Variants in KCNH5 observed in about 807,000 individuals in gnomAD.
The protein encoded by KCNH5 is voltage-gated delayed rectifier potassium channel KCNH5.
In KCNH5, 46 loss-of-function variants were observed where a neutral mutation model predicts 96.1. The ratio of observed to expected loss-of-function variants is 0.48; its 90% CI spans 0.38 to 0.61. KCNH5 has a LOEUF of 0.61. KCNH5 is among the 20% of genes least tolerant of loss of function. The probability of loss-of-function intolerance (pLI) is 0.00; values close to 1 mark genes in which losing one functional copy is unlikely to be tolerated. For synonymous variants in KCNH5, 439 were observed against 449.8 expected, an observed-to-expected ratio of 0.98 and a Z score of 0.30; for missense variants, 907 against 1,225.8, an observed-to-expected ratio of 0.74 and a Z score of 3.88.
chr14:62,810,552 A>G (rs957429122), intron 8 of KCNH5, among the ~76,000 whole-genome samples: 19 of 152,116 alleles, frequency 1.2e-4, no homozygotes, highest in Admixed American at 6.6e-5. Flanking sequence ...AATAGCTTGC[A>G]GTAAAGAAAC....
At chr14:62,784,160 A>G (rs1181057704) in intron 9 of KCNH5, among the ~76,000 whole-genome samples, 1 of 152,184 alleles carries the variant, frequency 6.6e-6, no homozygotes, top group Non-Finnish European at 1.5e-5. Flanking sequence ...GAGCAAAGTC[A>G]CGTCTTACAC....
chr14:62,970,523 A>AG (rs1421053964), intron 6 of KCNH5, among the ~76,000 whole-genome samples: 1 of 152,218 alleles, frequency 6.6e-6, no homozygotes. Context: ...AACCAGACAA[A>AG]GACATTACAA....
chr14:62,983,236 T>G (rs1259756493), intron 5 of KCNH5, among the ~76,000 whole-genome samples: 1 of 152,050 alleles, frequency 6.6e-6, no homozygotes, highest in East Asian at 1.9e-4. Context: ...TAGCCGGGCT[T>G]GTTGGCACGT....
intron 8 of KCNH5, among the ~76,000 whole-genome samples, chr14:62,848,197 G>T (rs1200021509): frequency 6.6e-6 from 1 of 152,160 alleles, no homozygotes. Flanking sequence ...CGAGGCCGGT[G>T]GTTGCCTCTT....
intron 6 of KCNH5, among the ~76,000 whole-genome samples, chr14:62,963,665 C>T (rs1305950224): frequency 2.0e-5 from 3 of 152,122 alleles, no homozygotes; most frequent in Admixed American, 2.0e-4. Context: ...TAATGCCCAT[C>T]CACATTGGGG....
intron 10 of KCNH5, among the ~76,000 whole-genome samples, chr14:62,741,884 A>C (rs562323311): frequency 6.6e-6 from 1 of 152,284 alleles, no homozygotes; most frequent in East Asian, 1.9e-4. Context: ...AAAATTGCCC[A>C]TGAGTTTTCT....
intron 8 of KCNH5, among the ~76,000 whole-genome samples, chr14:62,818,120 T>TG (rs1887037369): frequency 5.5e-5 from 3 of 54,852 alleles, no homozygotes; most frequent in African/African-American, 1.4e-4. Context: ...GGGGGGGGGG[T>TG]GGAAGAAATG....
intron 9 of KCNH5, among the ~76,000 whole-genome samples, chr14:62,797,504 T>C (rs1384160962): frequency 2.0e-5 from 3 of 152,112 alleles, no homozygotes; most frequent in African/African-American, 7.2e-5. Context: ...GAAAAACCCT[T>C]TTAAGGATTT....
intron 7 of KCNH5, among the ~76,000 whole-genome samples, chr14:62,860,345 T>A (rs569878447): frequency 3.3e-5 from 5 of 152,358 alleles, no homozygotes; most frequent in African/African-American, 1.2e-4. Flanking sequence ...AGTCACTAAG[T>A]AAATTCATTT....
rs532037598 is a variant in KCNH5, at chr14:62,814,640, G to T, written c.1570-12059C>A. ...TCTACTAAAAATACAAAAATTAGCC[G>T]GGTGTGGTGGCAGGCACCTGTAGTC... is the stretch of plus-strand genomic sequence containing the variant. On this transcript the variant is annotated intron_variant, in intron 8 of 10. Coordinates refer to ENST00000322893, the MANE Select transcript of KCNH5 (RefSeq NM_139318.5). Among the ~76,000 whole-genome samples, 8 of 151,644 alleles carry T rather than the reference G, an allele frequency of 5.3e-5. No homozygotes were observed. The South Asian group carries it at 1.7e-3, about 32-fold the overall frequency.
At chr14:62,945,424 G>C (rs1889867641) in intron 7 of KCNH5, among the ~76,000 whole-genome samples, 1 of 152,090 alleles carries the variant, frequency 6.6e-6, no homozygotes, top group South Asian at 2.1e-4. Context: ...ATGGATTCAA[G>C]GACAGAAGAT....
chr14:63,003,624 A>ATTTTT (rs775227561), intron 3 of KCNH5, among the ~76,000 whole-genome samples: 2 of 92,850 alleles, frequency 2.2e-5, no homozygotes, highest in Non-Finnish European at 4.0e-5. Context: ...ATATATATAT[A>ATTTTT]TTTTTTTTTT....
chr14:62,917,809 T>G (rs1191130215), intron 7 of KCNH5, among the ~76,000 whole-genome samples: 1 of 152,220 alleles, frequency 6.6e-6, no homozygotes, highest in East Asian at 1.9e-4. Context: ...GGCTCTTTTC[T>G]TTTAACATCT....
intron 8 of KCNH5, among the ~76,000 whole-genome samples, chr14:62,821,055 T>C (rs1351310924): frequency 6.6e-6 from 1 of 152,040 alleles, no homozygotes. Context: ...TCTATTACTT[T>C]TTGACTTTTT....
intron 10 of KCNH5, among the ~76,000 whole-genome samples, chr14:62,728,390 G>GAAAAAAAAAAAAAAAAAAAAAAA (rs5809167): frequency 7.8e-6 from 1 of 127,792 alleles, no homozygotes; most frequent in Non-Finnish European, 1.6e-5. Context: ...CTGTCTCAAA[G>GAAAAAAAAAAAAAAAAAAAAAAA]AAAAAAAAAA....
At chr14:62,964,118 C>T (rs1890262264) in intron 6 of KCNH5, among the ~76,000 whole-genome samples, 1 of 152,064 alleles carries the variant, frequency 6.6e-6, no homozygotes, top group South Asian at 2.1e-4. Context: ...TATACTTTGG[C>T]TCAGCTCCTT....
At chr14:63,005,286 CTTTGAGGCAATG>C (rs1891103312) in intron 3 of KCNH5, among the ~76,000 whole-genome samples, 1 of 152,206 alleles carries the variant, frequency 6.6e-6, no homozygotes, top group African/African-American at 2.4e-5. Context: ...AAGTGCACTA[CTTTGAGGCAATG>C]TCTCACGCTG....
Position 62,802,325 on chromosome 14 carries a change from G to A in KCNH5, c.1822+4C>T, listed in dbSNP as rs1423682126. On this transcript the variant is annotated splice_donor_region_variant and intron_variant, in intron 9 of 10. Transcript: ENST00000322893. ...TGCTACTACATTAGGAAAGTTCACA[G>A]TACCTAAAATAGCCACCACCTCATC... 1.1e-5 allele frequency: 17 copies of A among 1,613,122 alleles called. No individual in the cohort carries two copies. The highest frequency in any genetic ancestry group is 1.4e-5 in the Non-Finnish European group (16 of 1,179,168).
intron 6 of KCNH5, among the ~76,000 whole-genome samples, chr14:62,972,698 GC>G (rs1890432213): frequency 1.3e-5 from 2 of 151,888 alleles, no homozygotes; most frequent in African/African-American, 4.8e-5. Flanking sequence ...GAGCTATCAA[GC>G]CTTGAAAAAA....
Sources: allele counts gnomAD v4.1 joint callset (sites outside exome capture counted in the v4.1 genomes callset), GRCh38; gene constraint gnomAD v4.1.1; transcripts MANE v1.5; gene names NCBI Gene and HGNC (gene_info 2026-07-23, HGNC 2026-07-21).